Variants in GPATCH2 observed in about 807,000 individuals in gnomAD.
The protein encoded by GPATCH2 is G-patch domain containing 2, also known as G patch domain-containing protein 2.
GPATCH2 carries 51 observed loss-of-function variants against 58.0 expected under a neutral mutation model. That is an observed-to-expected ratio of 0.88 (90% CI 0.70 to 1.11). The LOEUF (loss-of-function observed/expected upper bound fraction) is 1.11. Ranked by LOEUF, GPATCH2 falls within the 50% of genes most tolerant of loss-of-function variation. The pLI is 0.00. For synonymous variants in GPATCH2, 222 were observed against 218.5 expected (o/e 1.02, Z -0.14); for missense variants, 625 against 652.2 (o/e 0.96, Z 0.45).
chr1:217,478,637 C>T (rs1571773132), intron 8 of GPATCH2, among the ~76,000 whole-genome samples: 1 of 151,606 alleles, frequency 6.6e-6, no homozygotes, highest in East Asian at 1.9e-4. Context: ...CAGGACCTAG[C>T]CTCAAAAGGG....
intron 5 of GPATCH2, among the ~76,000 whole-genome samples, chr1:217,584,715 A>C (rs1667256701): frequency 6.6e-6 from 1 of 152,108 alleles, no homozygotes; most frequent in Admixed American, 6.6e-5. Context: ...GAAAATTAGA[A>C]CGAAAAAGAA....
At chr1:217,466,263 C>T (rs1240378795) in intron 8 of GPATCH2, among the ~76,000 whole-genome samples, 5 of 146,582 alleles carry the variant, frequency 3.4e-5, no homozygotes. Context: ...ATGGACTGAA[C>T]TAAAACTAAA....
intron 8 of GPATCH2, among the ~76,000 whole-genome samples, chr1:217,468,065 G>A (rs1660543482): frequency 6.6e-6 from 1 of 151,666 alleles, no homozygotes; most frequent in Non-Finnish European, 1.5e-5. Context: ...TTTGAAAACT[G>A]GCATATAATA....
chr1:217,625,996 C>T (rs888956950), intron 1 of GPATCH2, among the ~76,000 whole-genome samples: 1 of 151,926 alleles, frequency 6.6e-6, no homozygotes, highest in Non-Finnish European at 1.5e-5. Flanking sequence ...AAAAACCTTC[C>T]GGATAGAACT....
Position 217,449,089 on chromosome 1 carries a change from T to C in GPATCH2, c.1366+160A>G, listed in dbSNP as rs189266065. Among the ~76,000 whole-genome samples, 3 of 152,336 alleles carry C rather than the reference T, an allele frequency of 2.0e-5. No homozygotes were observed. In the East Asian group the frequency reaches 5.8e-4, roughly 29 times the overall value. On this transcript the variant is annotated intron_variant, in intron 9 of 9. Coordinates refer to ENST00000366935, the MANE Select transcript of GPATCH2 (RefSeq NM_018040.5). Reference sequence around the variant, plus strand: ...ACCTGGAAGATCTACACATGGAACATGTAATACACCCTGATACCACATGCA... The same window carrying C: ...ACCTGGAAGATCTACACATGGAACACGTAATACACCCTGATACCACATGCA...
intron 5 of GPATCH2, among the ~76,000 whole-genome samples, chr1:217,580,221 T>C (rs1209094797): frequency 6.6e-6 from 1 of 152,162 alleles, no homozygotes; most frequent in African/African-American, 2.4e-5. Context: ...TACCACACCA[T>C]AAATCTAAAC....
At chr1:217,513,888 G>A (rs901845627) in intron 6 of GPATCH2, among the ~76,000 whole-genome samples, 3 of 151,306 alleles carry the variant, frequency 2.0e-5, no homozygotes, top group Non-Finnish European at 1.5e-5. Context: ...GCAGTGGAGC[G>A]ATCTCGGCTC....
chr1:217,428,247 T>G lies in GPATCH2; in HGVS notation c.*2898A>C, dbSNP rs556240367. The G allele has an allele frequency of 1.1e-4, 17 of 152,288 alleles. No individual in the cohort carries two copies. Among genetic ancestry groups the G allele is most frequent in the African/African-American group, 3.9e-4 (16 of 41,552 alleles). 9.4% of individuals were successfully genotyped at this position (152,288 alleles called of 1,614,324 possible). A position where few individuals can be genotyped will look rare whatever the true frequency, so the allele number is the denominator to read the frequency against. ...GAGACCTATGCAGTCTCTAAAATTT[T>G]TAGTACAACCAATTAATTTGCTATA... is the stretch of plus-strand genomic sequence containing the variant. On this transcript the variant is annotated 3_prime_UTR_variant, in exon 10 of 10. Transcript: ENST00000366935.
At chr1:217,486,537 T>C in intron 8 of GPATCH2, among the ~76,000 whole-genome samples, 1 of 152,164 alleles carries the variant, frequency 6.6e-6, no homozygotes, top group East Asian at 1.9e-4. Flanking sequence ...CTCACTATGT[T>C]GCACTGGCTG....
chr1:217,460,621 G>A (rs922013918), intron 8 of GPATCH2, among the ~76,000 whole-genome samples: 11 of 152,236 alleles, frequency 7.2e-5, no homozygotes, highest in African/African-American at 2.7e-4. Flanking sequence ...TATAACTGGA[G>A]TTGGCACATA....
At chr1:217,569,648 C>A (rs1196573286) in intron 5 of GPATCH2, among the ~76,000 whole-genome samples, 1 of 152,114 alleles carries the variant, frequency 6.6e-6, no homozygotes, top group South Asian at 2.1e-4. Context: ...TGAGCGAAGA[C>A]TGCACCATTG....
At chr1:217,590,601 G>A (rs925318228) in intron 5 of GPATCH2, among the ~76,000 whole-genome samples, 1 of 152,112 alleles carries the variant, frequency 6.6e-6, no homozygotes, top group African/African-American at 2.4e-5. Context: ...TCCCTTTTAT[G>A]GCCATCATAG....
At chr1:217,578,985 A>G (rs1182621185) in intron 5 of GPATCH2, among the ~76,000 whole-genome samples, 1 of 152,234 alleles carries the variant, frequency 6.6e-6, no homozygotes, top group African/African-American at 2.4e-5. Context: ...GTTTTCACTT[A>G]TAACATCAAA....
At chr1:217,523,852 C>T (rs1663630999) in intron 5 of GPATCH2, among the ~76,000 whole-genome samples, 1 of 147,912 alleles carries the variant, frequency 6.8e-6, no homozygotes, top group Admixed American at 6.7e-5. Context: ...GGGCGGGGGG[C>T]TGACCCCCAC....
At chr1:217,455,294 G>C (rs766948863) in intron 8 of GPATCH2, among the ~76,000 whole-genome samples, 88 of 152,072 alleles carry the variant, frequency 5.8e-4, no homozygotes, top group Non-Finnish European at 1.1e-3. Flanking sequence ...CCATGAAATG[G>C]AATCTGGTGA....
chr1:217,447,256 A>C (rs551713950), intron 9 of GPATCH2, among the ~76,000 whole-genome samples: 1 of 152,344 alleles, frequency 6.6e-6, no homozygotes, highest in East Asian at 1.9e-4. Flanking sequence ...TCTTCTATAA[A>C]ACTTAAGGCA....
chr1:217,488,732 C>T (rs1661569763), intron 8 of GPATCH2, among the ~76,000 whole-genome samples: 1 of 151,702 alleles, frequency 6.6e-6, no homozygotes, highest in South Asian at 2.1e-4. Context: ...TACTGTGTTG[C>T]CCAGGCTGAA....
Position 217,428,916 on chromosome 1 carries a change from A to G in GPATCH2, c.*2229T>C, listed in dbSNP as rs1442738463. 6.6e-6 allele frequency: 1 copy of G among 152,218 alleles called. No homozygotes were observed. Among genetic ancestry groups the G allele is most frequent in the Non-Finnish European group, 1.5e-5 (1 of 68,032 alleles). 9.4% of individuals were successfully genotyped at this position (152,218 alleles called of 1,614,324 possible). A position where few individuals can be genotyped will look rare whatever the true frequency, so the allele number is the denominator to read the frequency against. ...GTTCCTATACACTAGTCTGGTGTATATACTGCTCTTCTTCACTATGAGGGT... is the reference window on the plus strand; with the variant it reads ...GTTCCTATACACTAGTCTGGTGTATGTACTGCTCTTCTTCACTATGAGGGT... On this transcript the variant is annotated 3_prime_UTR_variant, in exon 10 of 10. Transcript: ENST00000366935.
At chr1:217,502,585 T>C (rs1481127852) in intron 6 of GPATCH2, among the ~76,000 whole-genome samples, 1 of 152,118 alleles carries the variant, frequency 6.6e-6, no homozygotes, top group Non-Finnish European at 1.5e-5. Flanking sequence ...CATCTTTTGA[T>C]GAGCAGGTCC....
Sources: allele counts gnomAD v4.1 joint callset (sites outside exome capture counted in the v4.1 genomes callset), GRCh38; gene constraint gnomAD v4.1.1; transcripts MANE v1.5; gene names NCBI Gene and HGNC (gene_info 2026-07-23, HGNC 2026-07-21).